ATP2A3: variants seen among roughly 807,000 people sequenced by gnomAD.
The protein encoded by ATP2A3 is sarcoplasmic/endoplasmic reticulum calcium ATPase 3.
Under a neutral mutation model 106.8 loss-of-function variants are expected in ATP2A3, and 61 were observed. The observed-to-expected ratio is 0.57, with a 90% CI of 0.46 to 0.71. The LOEUF (loss-of-function observed/expected upper bound fraction) is 0.71. Among genes scored for constraint, ATP2A3 ranks in the 30% least tolerant of loss-of-function variants. ATP2A3 has a pLI of 0.00. For missense variants in ATP2A3, 1,201 were observed against 1,423.5 expected (o/e 0.84, Z 2.52); for synonymous variants, 611 against 609.3 (o/e 1.00, Z -0.04).
At position 3,947,675 on chromosome 17, in the gene ATP2A3, C is replaced by T. The variant is rs560255506; in HGVS notation, c.811G>A (p.Val271Met). ...SHAISVICVA[V>M]WVINIGHFAD... is the part of the protein sequence containing the mutation. ...AAGTGGCCGATGTTGATGACCCACA[C>T]GGCCACGCAGATCACAGAGATGGCG... The change falls in exon 8 of 21, where the codon GTG (valine) becomes ATG (methionine). Residue 271 changes from valine to methionine, a missense_variant. Physicochemically the swap from Val to Met is conservative, Grantham distance 21. Transcript: ENST00000397041. The surrounding 1 kb of genome is among the most constrained non-coding windows in gnomAD (Gnocchi z 7.7). The T allele has an allele frequency of 9.3e-6, 15 of 1,611,994 alleles. No homozygotes were observed. In the African/African-American group the frequency reaches 9.3e-5, roughly 10 times the overall value.
chr17:3,951,821 G>C, intron 3 of ATP2A3, 136 bp from the exon 4 acceptor site: 1 of 914,626 alleles, frequency 1.1e-6, no homozygotes, highest in South Asian at 1.4e-5. Flanking sequence ...CTTGGAGAGG[G>C]CCACTCCTCC....
rs1038006496 is a variant in ATP2A3 at position 3,933,689 on chromosome 17, T to C, written c.2610+1503A>G. 2.0e-5 allele frequency among the ~76,000 whole-genome samples: 3 copies of C among 150,612 alleles called. 1 individual carries two copies. Among genetic ancestry groups the C allele is most frequent in the African/African-American group, 7.4e-5 (3 of 40,446 alleles). ...AGGTGGAGGTTGCAGTGAGCCAAGA[T>C]TGCACCACTGCACTCCAGCCTGGGT... On this transcript the variant is annotated intron_variant, in intron 17 of 20. Coordinates refer to ENST00000397041, the MANE Select transcript of ATP2A3 (RefSeq NM_005173.4).
At chr17:3,952,727 C>T (rs1051568994) in intron 3 of ATP2A3, among the ~76,000 whole-genome samples, 1 of 152,116 alleles carries the variant, frequency 6.6e-6, no homozygotes, top group Admixed American at 6.5e-5. Flanking sequence ...GTGGCTGGGA[C>T]TATAGGCCTG....
At position 3,941,040 on chromosome 17, in the gene ATP2A3, G is replaced by A. The variant is rs149329124; in HGVS notation, c.2031C>T (p.Ala677=). ...GGGACTTGTGTGCGGGCTCCACGCGGGCGAAGCAGCGGGCGGTGCGGCAGG... is the reference window on the plus strand; with the variant it reads ...GGGACTTGTGTGCGGGCTCCACGCGAGCGAAGCAGCGGGCGGTGCGGCAGG... ...RQACRTARCF[A]RVEPAHKSRI... is the part of the protein sequence containing the mutation. Residue 677 remains alanine, a synonymous_variant, in exon 14 of 21, where the codon GCC becomes GCT. Coordinates refer to ENST00000397041, the MANE Select transcript of ATP2A3 (RefSeq NM_005173.4). 55 of 1,613,870 alleles carry A rather than the reference G, an allele frequency of 3.4e-5. 1 individual carries two copies. The African/African-American group carries it at 4.5e-4, about 13-fold the overall frequency.
rs189712173 is a variant in ATP2A3, at chr17:3,955,615, G to A, written c.119-1905C>T. ...TTCTCCAATGGAGCAGTGTGCTTTCGAGGTCACCCCAGCCATGCCCCAGCC... is the reference window on the plus strand; with the variant it reads ...TTCTCCAATGGAGCAGTGTGCTTTCAAGGTCACCCCAGCCATGCCCCAGCC... On this transcript the variant is annotated intron_variant, in intron 1 of 20. Coordinates refer to ENST00000397041, the MANE Select transcript of ATP2A3 (RefSeq NM_005173.4). The surrounding 1 kb of genome is among the most constrained non-coding windows in gnomAD (Gnocchi z 4.2). Among the ~76,000 whole-genome samples, 5 of 152,276 alleles carry A rather than the reference G, an allele frequency of 3.3e-5. No homozygotes were observed. The highest frequency in any genetic ancestry group is 1.3e-4 in the Admixed American group (2 of 15,290).
At position 3,930,538 on chromosome 17, in the gene ATP2A3, A is replaced by C; in HGVS notation, c.2611-104T>G. The C allele has an allele frequency of 5.4e-6, 7 of 1,301,954 alleles. No individual in the cohort carries two copies. Among genetic ancestry groups the C allele is most frequent in the Non-Finnish European group, 4.1e-6 (4 of 978,286 alleles). The allele number at this position is 1,301,954 out of a possible 1,614,324, so 80.7% of individuals were successfully genotyped here. On this transcript the variant is annotated intron_variant, in intron 17 of 20. Coordinates refer to ENST00000397041, the MANE Select transcript of ATP2A3 (RefSeq NM_005173.4). This position sits in a 1 kb window ranked among gnomAD's most constrained non-coding sequence, Gnocchi z 5.4. ...TGCCCTTGGCCCACGCCTGGGCACA[A>C]CCAGCACACAAAACACTGCCGTGGG...
chr17:3,927,083 C>T (rs777428685), intron 20 of ATP2A3: 6 of 985,356 alleles, frequency 6.1e-6, no homozygotes, highest in South Asian at 4.7e-5. Flanking sequence ...AGGTTCAATC[C>T]TGTTCTTTCC....
intron 8 of ATP2A3, among the ~76,000 whole-genome samples, chr17:3,946,077 A>G (rs558717332): frequency 4.0e-5 from 6 of 149,992 alleles, no homozygotes; most frequent in South Asian, 4.2e-4. Flanking sequence ...GTGAAACCCC[A>G]TCTCTACTAA....
chr17:3,962,971 G>T (rs1291419326), intron 1 of ATP2A3, among the ~76,000 whole-genome samples: 3 of 152,210 alleles, frequency 2.0e-5, no homozygotes, highest in African/African-American at 4.8e-5. Flanking sequence ...ACTAATGGGG[G>T]ATATTAAATA....
At position 3,924,325 on chromosome 17, in the gene ATP2A3, C is replaced by G. The variant is rs1273200755; in HGVS notation, c.*1097G>C. 1.9e-5 allele frequency: 3 copies of G among 158,070 alleles called. No individual in the cohort carries two copies. The highest frequency in any genetic ancestry group is 7.2e-5 in the African/African-American group (3 of 41,490). The allele number at this position is 158,070 out of a possible 1,614,324, so 9.8% of individuals were successfully genotyped here. On this transcript the variant is annotated 3_prime_UTR_variant, in exon 21 of 21. Transcript: ENST00000397041. This position sits in a 1 kb window ranked among gnomAD's most constrained non-coding sequence, Gnocchi z 6.4. ...TCTGTCCATCAGAGGCCATCTTCCT[C>G]TCATCTGATATGACGTGTTCCTCCA...
intron 4 of ATP2A3, 39 bp downstream of exon 4, chr17:3,951,542 G>GTCCCCCCCCCCCCC: frequency 6.7e-7 from 1 of 1,483,218 alleles, no homozygotes; most frequent in Non-Finnish European, 9.1e-7. Flanking sequence ...GTGGCTGGGA[G>GTCCCCCCCCCCCCC]ACCGCCCCCC....
Position 3,950,871 on chromosome 17 carries a change from C to T in ATP2A3, c.464-98G>A, listed in dbSNP as rs972247531. 64 of 1,217,214 alleles carry T rather than the reference C, an allele frequency of 5.3e-5. No individual in the cohort carries two copies. In the African/African-American group the frequency reaches 6.0e-4, roughly 11 times the overall value. The allele number at this position is 1,217,214 out of a possible 1,614,324, so 75.4% of individuals were successfully genotyped here. Reference sequence around the variant, plus strand: ...AGAACCCAAGGCTGGGGCTGGGCGTCGGGTGCCTGAGCTGTGATCGCTCTG... The same window carrying T: ...AGAACCCAAGGCTGGGGCTGGGCGTTGGGTGCCTGAGCTGTGATCGCTCTG... On this transcript the variant is annotated intron_variant, in intron 5 of 20. Transcript: ENST00000397041.
intron 16 of ATP2A3, 51 bp from the exon 17 acceptor site, chr17:3,935,328 C>T (rs752282420): frequency 1.8e-5 from 28 of 1,538,006 alleles, no homozygotes; most frequent in Admixed American, 5.0e-5. Flanking sequence ...GGTTTTCTGG[C>T]GTCTGTTTCC....
chr17:3,936,268 T>A lies in ATP2A3; in HGVS notation c.2523A>T (p.Gly841=), dbSNP rs2053436223. ...ACGGAGGGCTCAGGCCCCACTCACC[T>A]CCGATAGCCAGGTATCGGAAGAAGA... ...GWLFFRYLAI[G]VYVGLATVAA... The change falls in exon 16 of 21, where the codon GGA becomes GGT. Residue 841 remains glycine, a splice_region_variant and synonymous_variant. Coordinates refer to ENST00000397041, the MANE Select transcript of ATP2A3 (RefSeq NM_005173.4). The surrounding 1 kb of genome is among the most constrained non-coding windows in gnomAD (Gnocchi z 5.4). The A allele has an allele frequency of 6.2e-7, 1 of 1,613,534 alleles. No individual in the cohort carries two copies. Among genetic ancestry groups the A allele is most frequent in the South Asian group, 1.1e-5 (1 of 91,066 alleles).
chr17:3,955,319 T>C lies in ATP2A3; in HGVS notation c.119-1609A>G, dbSNP rs2054711166. Among the ~76,000 whole-genome samples, 1 of 152,222 alleles carries C rather than the reference T, an allele frequency of 6.6e-6. No individual in the cohort carries two copies. Among genetic ancestry groups the C allele is most frequent in the Non-Finnish European group, 1.5e-5 (1 of 68,034 alleles). The stretch of plus-strand genomic sequence containing the variant: ...CCCCGGACCACCTGTTTGGAAGCTT[T>C]GGGGTCTGCACCTGGCAGCTGAACC... On this transcript the variant is annotated intron_variant, in intron 1 of 20. Coordinates refer to ENST00000397041, the MANE Select transcript of ATP2A3 (RefSeq NM_005173.4). The surrounding 1 kb of genome is among the most constrained non-coding windows in gnomAD (Gnocchi z 4.2).
rs764071084 is a variant in ATP2A3, at chr17:3,942,636, A to G, written c.1515T>C (p.Pro505=). ...CAAACATCTTGCTGCCCTGGCCAGT[A>G]GGGTGAGGGCGGGTGGGCGTGCAGT... is the stretch of plus-strand genomic sequence containing the variant. ...SVYCTPTRPH[P]TGQGSKMFVK... is the part of the protein sequence containing the mutation. The change falls in exon 12 of 21, where the codon CCT becomes CCC. Residue 505 remains proline (P), a synonymous_variant. Coordinates refer to ENST00000397041, the MANE Select transcript of ATP2A3 (RefSeq NM_005173.4). 3.1e-6 allele frequency: 5 copies of G among 1,612,556 alleles called. No individual in the cohort carries two copies. In the East Asian group the frequency reaches 6.7e-5, roughly 22 times the overall value.
At position 3,945,211 on chromosome 17, in the gene ATP2A3, T is replaced by C. The variant is rs1479542483; in HGVS notation, c.1096-63A>G. On this transcript the variant is annotated intron_variant, in intron 8 of 20. Coordinates refer to ENST00000397041, the MANE Select transcript of ATP2A3 (RefSeq NM_005173.4). ...GCCTCCCTCCTCCCCGGGCGGCCAGTCGACCCCAGGGTGGGGTCCTGCAGG... is the reference window on the plus strand; with the variant it reads ...GCCTCCCTCCTCCCCGGGCGGCCAGCCGACCCCAGGGTGGGGTCCTGCAGG... The C allele has an allele frequency of 1.0e-5, 15 of 1,490,734 alleles. No individual in the cohort carries two copies. The East Asian group carries it at 2.8e-4, about 28-fold the overall frequency. 92.3% of individuals were successfully genotyped at this position (1,490,734 alleles called of 1,614,324 possible). A position where few individuals can be genotyped will look rare whatever the true frequency, so the allele number is the denominator to read the frequency against.
rs1238426534 is a variant in ATP2A3 at position 3,925,944 on chromosome 17, G to C, written c.2981-503C>G. 6.6e-6 allele frequency among the ~76,000 whole-genome samples: 1 copy of C among 151,458 alleles called. No individual in the cohort carries two copies. The highest frequency in any genetic ancestry group is 1.5e-5 in the Non-Finnish European group (1 of 67,910). On this transcript the variant is annotated intron_variant, in intron 20 of 20. Transcript: ENST00000397041. This position sits in a 1 kb window ranked among gnomAD's most constrained non-coding sequence, Gnocchi z 4.2. ...AGCATCAAGCAAAAGCCGAAATCCAGTCCCAACACCCCATTTCATGGTTCC... is the reference window on the plus strand; with the variant it reads ...AGCATCAAGCAAAAGCCGAAATCCACTCCCAACACCCCATTTCATGGTTCC...
rs2054723189 is a variant in ATP2A3 at position 3,955,530 on chromosome 17, C to A, written c.119-1820G>T. Among the ~76,000 whole-genome samples, 1 of 152,218 alleles carries A rather than the reference C, an allele frequency of 6.6e-6. No individual in the cohort carries two copies. Among genetic ancestry groups the A allele is most frequent in the South Asian group, 2.1e-4 (1 of 4,832 alleles). ...ATCAAACAGACTTTTTCCTTCTGATCTATTTAGCTGAGGCGAACAGGAAAG... is the reference window on the plus strand; with the variant it reads ...ATCAAACAGACTTTTTCCTTCTGATATATTTAGCTGAGGCGAACAGGAAAG... On this transcript the variant is annotated intron_variant, in intron 1 of 20. Transcript: ENST00000397041. This position sits in a 1 kb window ranked among gnomAD's most constrained non-coding sequence, Gnocchi z 4.2.
Sources: gnomAD v4.1 joint callset for allele counts (sites outside exome capture counted in the v4.1 genomes callset) on GRCh38, gnomAD v4.1.1 for gene constraint, Gnocchi (gnomAD v3.1) non-coding constraint, MANE v1.5 for transcripts, NCBI Gene and HGNC (gene_info 2026-07-23, HGNC 2026-07-21) for gene names.